Variants in ACTR3 observed in about 807,000 individuals in gnomAD.
ACTR3 encodes actin-related protein 3.
A neutral mutation model predicts 56.8 loss-of-function variants in ACTR3; 12 were observed. The observed-to-expected ratio is 0.21, with a 90% CI of 0.14 to 0.34. The LOEUF is 0.34. Ranked by LOEUF, ACTR3 falls within the 10% of genes least tolerant of loss-of-function variation. The pLI is 1.00. For missense variants in ACTR3, 282 were observed against 512.5 expected, an observed-to-expected ratio of 0.55 and a Z score of 4.34; for synonymous variants, 162 against 167.4, an observed-to-expected ratio of 0.97 and a Z score of 0.25.
At chr2:113,928,703 ATT>A (rs58458369) in intron 4 of ACTR3, among the ~76,000 whole-genome samples, 90 of 150,894 alleles carry the variant, frequency 6.0e-4, no homozygotes, top group African/African-American at 1.8e-3. Flanking sequence ...GTTCCAATAA[ATT>A]TTTTTTTTTT....
rs781277293 is a variant in ACTR3 at position 113,931,289 on chromosome 2, T to A, written c.337-12T>A. On this transcript the variant is annotated splice_polypyrimidine_tract_variant and intron_variant, in intron 4 of 11. Coordinates refer to ENST00000263238, the MANE Select transcript of ACTR3 (RefSeq NM_005721.5). ...TGATATTATCTATTTAAAATGTTATTTATTTCAATAGACTGAACCTCCATT... is the reference window on the plus strand; with the variant it reads ...TGATATTATCTATTTAAAATGTTATATATTTCAATAGACTGAACCTCCATT... 1.0e-5 allele frequency: 15 copies of A among 1,464,124 alleles called. No individual in the cohort carries two copies. The highest frequency in any genetic ancestry group is 1.3e-5 in the Non-Finnish European group (14 of 1,079,684). 90.7% of individuals were successfully genotyped at this position (1,464,124 alleles called of 1,614,324 possible). A position where few individuals can be genotyped will look rare whatever the true frequency, so the allele number is the denominator to read the frequency against.
At chr2:113,932,178 G>C (rs1679736368) in intron 5 of ACTR3, among the ~76,000 whole-genome samples, 1 of 152,092 alleles carries the variant, frequency 6.6e-6, no homozygotes, top group African/African-American at 2.4e-5. Flanking sequence ...TTTTAACTTG[G>C]ATAGCAAAGA....
Position 113,957,743 on chromosome 2 carries a change from C to G in ACTR3, c.*288C>G. On this transcript the variant is annotated 3_prime_UTR_variant, in exon 12 of 12. Coordinates refer to ENST00000263238, the MANE Select transcript of ACTR3 (RefSeq NM_005721.5). Reference sequence around the variant, plus strand: ...GATATTTTGTATATTAATGAATTATCCAAGATTCGATGGGATTTATCAGTG... The same window carrying G: ...GATATTTTGTATATTAATGAATTATGCAAGATTCGATGGGATTTATCAGTG... 4 of 311,770 alleles carry G rather than the reference C, an allele frequency of 1.3e-5. No homozygotes were observed. The highest frequency in any genetic ancestry group is 2.4e-5 in the Non-Finnish European group (4 of 164,774). The allele number at this position is 311,770 out of a possible 1,614,324, so 19.3% of individuals were successfully genotyped here. A position where few individuals can be genotyped will look rare whatever the true frequency, so the allele number is the denominator to read the frequency against.
At position 113,925,281 on chromosome 2, in the gene ACTR3, C is replaced by T. The variant is rs563991843; in HGVS notation, c.226-2064C>T. On this transcript the variant is annotated intron_variant, in intron 3 of 11. Coordinates refer to ENST00000263238, the MANE Select transcript of ACTR3 (RefSeq NM_005721.5). ...AGTGATCTTGGCTCACTGCAACCTCCGCCTCCTGGGTTCAAGTGATTCTCT... is the reference window on the plus strand; with the variant it reads ...AGTGATCTTGGCTCACTGCAACCTCTGCCTCCTGGGTTCAAGTGATTCTCT... Among the ~76,000 whole-genome samples, 288 of 149,198 alleles carry T rather than the reference C, an allele frequency of 1.9e-3. 1 individual carries two copies. The highest frequency in any genetic ancestry group is 6.7e-3 in the African/African-American group (269 of 40,228).
chr2:113,956,314 T>C (rs983134263), intron 11 of ACTR3, among the ~76,000 whole-genome samples: 13 of 151,798 alleles, frequency 8.6e-5, no homozygotes, highest in Non-Finnish European at 1.9e-4. Context: ...TTTGTATATA[T>C]GTGTTTGTAG....
Position 113,942,448 on chromosome 2 carries a change from T to C in ACTR3, c.858+89T>C, listed in dbSNP as rs575286597. ...AGAGAGAATTAATCTCAGAAACTTT[T>C]ATTAGTACACTAAAAGTTTGAGTTT... On this transcript the variant is annotated intron_variant, in intron 8 of 11. Coordinates refer to ENST00000263238, the MANE Select transcript of ACTR3 (RefSeq NM_005721.5). 8.4e-6 allele frequency: 7 copies of C among 830,808 alleles called. No individual in the cohort carries two copies. In the South Asian group the frequency reaches 2.2e-4, roughly 26 times the overall value. The allele number at this position is 830,808 out of a possible 1,614,324, so 51.5% of individuals were successfully genotyped here.
At chr2:113,922,178 A>G (rs1383519587) in intron 3 of ACTR3, among the ~76,000 whole-genome samples, 5 of 152,160 alleles carry the variant, frequency 3.3e-5, no homozygotes, top group African/African-American at 7.2e-5. Context: ...TTGAGTTTCA[A>G]TTGTGATTGG....
At chr2:113,941,185 A>G (rs997889155) in intron 7 of ACTR3, among the ~76,000 whole-genome samples, 7 of 152,202 alleles carry the variant, frequency 4.6e-5, no homozygotes, top group Admixed American at 1.3e-4. Flanking sequence ...TAGGTAGTAA[A>G]TTAGTAAATG....
intron 1 of ACTR3, 91 bp downstream of exon 1, chr2:113,890,414 C>T (rs984042126): frequency 3.6e-6 from 5 of 1,371,706 alleles, no homozygotes; most frequent in Non-Finnish European, 4.9e-6. Flanking sequence ...AATGGTGCGG[C>T]GAGGTGCCGC....
In ACTR3 at chr2:113,942,351, C is replaced by A; in HGVS notation, c.850C>A (p.His284Asn). The A allele has an allele frequency of 6.4e-7, 1 of 1,567,552 alleles. No individual in the cohort carries two copies. Among genetic ancestry groups the A allele is most frequent in the Non-Finnish European group, 8.6e-7 (1 of 1,162,320 alleles). The stretch of plus-strand genomic sequence containing the variant: ...ATTTTTGGGACCTGAAATCTTTTTT[C>A]ATCCAGAGGTAATTTTTTTTAACGG... The part of the protein sequence containing the change: ...ERFLGPEIFF[H>N]PEFANPDFTQ... The change falls in exon 8 of 12, where the codon CAT (histidine) becomes AAT (asparagine). Residue 284 changes from histidine to asparagine, a missense_variant. His to Asn is a moderately conservative substitution (Grantham distance 68). Transcript: ENST00000263238.
chr2:113,907,317 C>G (rs983308959), intron 1 of ACTR3, among the ~76,000 whole-genome samples: 2 of 152,140 alleles, frequency 1.3e-5, no homozygotes, highest in African/African-American at 4.8e-5. Context: ...TGTTGCCCAA[C>G]TGAAGTGCAG....
At chr2:113,917,399 T>G (rs1033111588) in intron 3 of ACTR3, among the ~76,000 whole-genome samples, 1 of 152,170 alleles carries the variant, frequency 6.6e-6, no homozygotes, top group African/African-American at 2.4e-5. Flanking sequence ...TTTCTCCCTC[T>G]TTTTCTTTTT....
rs13388269 is a variant in ACTR3, at chr2:113,947,597, C to A, written c.859-3882C>A. ...TGAGCCCAGGAGGTCCAGGCTGCAA[C>A]GAGCTGGCATTGCACCATTGTACTC... is the stretch of plus-strand genomic sequence containing the variant. On this transcript the variant is annotated intron_variant, in intron 8 of 11. Transcript: ENST00000263238. Among the ~76,000 whole-genome samples, 31 of 152,258 alleles carry A rather than the reference C, an allele frequency of 2.0e-4. No individual in the cohort carries two copies. The East Asian group carries it at 5.6e-3, about 28-fold the overall frequency.
intron 8 of ACTR3, among the ~76,000 whole-genome samples, chr2:113,944,408 G>A (rs1001251592): frequency 2.0e-5 from 3 of 151,996 alleles, no homozygotes; most frequent in East Asian, 1.9e-4. Flanking sequence ...CAGAAGCACA[G>A]GTAGGTAGTT....
rs541992015 is a variant in ACTR3 at position 113,939,164 on chromosome 2, C to G, written c.541-795C>G. Among the ~76,000 whole-genome samples, 15 of 151,970 alleles carry G rather than the reference C, an allele frequency of 9.9e-5. No homozygotes were observed. The South Asian group carries it at 2.7e-3, about 27-fold the overall frequency. On this transcript the variant is annotated intron_variant, in intron 6 of 11. Coordinates refer to ENST00000263238, the MANE Select transcript of ACTR3 (RefSeq NM_005721.5). ...TCAGCCTCCCGTGTAGCTGGGACTACAGGCGCGCGCCACCATGCCCGGCTA... is the reference window on the plus strand; with the variant it reads ...TCAGCCTCCCGTGTAGCTGGGACTAGAGGCGCGCGCCACCATGCCCGGCTA...
At chr2:113,955,502 G>C in intron 10 of ACTR3, 121 bp from the exon 11 acceptor site, 2 of 697,764 alleles carry the variant, frequency 2.9e-6, no homozygotes, top group Non-Finnish European at 4.7e-6. Context: ...TTTCTGGTTT[G>C]TAAGATACCA....
rs1439342066 is a variant in ACTR3 at position 113,961,028 on chromosome 2, T to C, written c.*3573T>C. 6.6e-6 allele frequency: 1 copy of C among 152,072 alleles called. No homozygotes were observed. The highest frequency in any genetic ancestry group is 1.5e-5 in the Non-Finnish European group (1 of 67,926). The allele number at this position is 152,072 out of a possible 1,614,324, so 9.4% of individuals were successfully genotyped here. ...TCTTGTATTAGGTCTATATCCTGAA[T>C]TGACCTTTAGCAAGAATCTTTAGAT... On this transcript the variant is annotated 3_prime_UTR_variant, in exon 12 of 12. Coordinates refer to ENST00000263238, the MANE Select transcript of ACTR3 (RefSeq NM_005721.5).
chr2:113,928,756 A>G (rs1264481348), intron 4 of ACTR3, among the ~76,000 whole-genome samples: 1 of 152,110 alleles, frequency 6.6e-6, no homozygotes, highest in Admixed American at 6.5e-5. Context: ...TGCAGGATGC[A>G]TGATGTGATT....
intron 3 of ACTR3, among the ~76,000 whole-genome samples, chr2:113,924,796 A>G (rs535884857): frequency 6.6e-6 from 1 of 152,188 alleles, no homozygotes; most frequent in Non-Finnish European, 1.5e-5. Flanking sequence ...AAAAGCCAGA[A>G]AGCAGAACTG....
Sources: allele counts gnomAD v4.1 joint callset (sites outside exome capture counted in the v4.1 genomes callset), GRCh38; gene constraint gnomAD v4.1.1; transcripts MANE v1.5; gene names NCBI Gene and HGNC (gene_info 2026-07-23, HGNC 2026-07-21).